Variants in FBF1 observed in about 807,000 individuals in gnomAD.
FBF1 encodes fas-binding factor 1.
Under a neutral mutation model 147.2 loss-of-function variants are expected in FBF1, and 119 were observed. The observed-to-expected ratio is 0.81, with a 90% CI of 0.70 to 0.94. The LOEUF (loss-of-function observed/expected upper bound fraction) is 0.94. FBF1 is among the 40% of genes least tolerant of loss of function. The probability of loss-of-function intolerance (pLI) is 0.00; values close to 1 mark genes in which losing one functional copy is unlikely to be tolerated. For synonymous variants in FBF1, 601 were observed against 609.0 expected, an observed-to-expected ratio of 0.99 and a Z score of 0.19; for missense variants, 1,449 against 1,500.8, an observed-to-expected ratio of 0.97 and a Z score of 0.57.
At position 75,928,848 on chromosome 17, in the gene FBF1, CAG is replaced by C. The variant is rs1353934197; in HGVS notation, c.280-657_280-656del. 1.3e-5 allele frequency among the ~76,000 whole-genome samples: 2 copies of C among 152,070 alleles called. No homozygotes were observed. Among genetic ancestry groups the C allele is most frequent in the Admixed American group, 1.3e-4 (2 of 15,264 alleles). On this transcript the variant is annotated intron_variant, in intron 7 of 29. Coordinates refer to ENST00000636174, the MANE Select transcript of FBF1 (RefSeq NM_001319193.2). The surrounding 1 kb of genome is among the most constrained non-coding windows in gnomAD (Gnocchi z 4.2). ...AATTAAAAATAAAATAAAATAAAGA[CAG>C]AGTCTCACTCTGTCACCCAGGCTGG...
rs760044094 is a variant in FBF1, at chr17:75,920,345, G to C, written c.1759C>G (p.Gln587Glu). 2 of 1,609,580 alleles carry C rather than the reference G, an allele frequency of 1.2e-6. No individual in the cohort carries two copies. Among genetic ancestry groups the C allele is most frequent in the South Asian group, 2.2e-5 (2 of 90,292 alleles). ...GCCTGGAGCTCAGCGGGGCTGCACT[G>C]AAGTTGCACCTGTGCTGCCAGGAGC... Reference protein sequence around the residue: ...KQLLAAQVQLQCSPAELQAEL... With the variant: ...KQLLAAQVQLECSPAELQAEL... Residue 587 changes from glutamine to glutamate, a missense_variant, in exon 18 of 30, where the codon CAG becomes GAG. Coordinates refer to ENST00000636174, the MANE Select transcript of FBF1 (RefSeq NM_001319193.2).
At chr17:75,915,232 C>G in intron 23 of FBF1, 93 bp from the exon 24 acceptor site, 1 of 1,472,530 alleles carries the variant, frequency 6.8e-7, no homozygotes, top group Non-Finnish European at 9.0e-7. Context: ...CCACCAGTGT[C>G]TCCCACACTA....
intron 3 of FBF1, among the ~76,000 whole-genome samples, chr17:75,936,313 CAA>C (rs2065624793): frequency 6.7e-6 from 1 of 149,862 alleles, no homozygotes. Context: ...TACGCCGTCT[CAA>C]AAAACAACAA....
At chr17:75,935,869 G>A (rs953278093) in intron 3 of FBF1, among the ~76,000 whole-genome samples, 196 bp from the exon 4 acceptor site, 6 of 152,120 alleles carry the variant, frequency 3.9e-5, no homozygotes, top group Non-Finnish European at 5.9e-5. Flanking sequence ...AATACCCCGA[G>A]GCAGAAATTT....
At chr17:75,936,724 T>C (rs1263412297) in intron 3 of FBF1, among the ~76,000 whole-genome samples, 1 of 151,828 alleles carries the variant, frequency 6.6e-6, no homozygotes, top group African/African-American at 2.4e-5. Flanking sequence ...ATGGTGCAGA[T>C]TTTCAGCAGA....
intron 28 of FBF1, among the ~76,000 whole-genome samples, chr17:75,912,768 C>T (rs1029295810): frequency 3.3e-5 from 5 of 152,184 alleles, no homozygotes; most frequent in East Asian, 3.9e-4. Context: ...AGGCTGGGCG[C>T]GTTGGCTCAT....
In FBF1 at chr17:75,923,037, A is replaced by G. The variant is rs2065537615; in HGVS notation, c.1424+149T>C. On this transcript the variant is annotated intron_variant, in intron 14 of 29. Transcript: ENST00000636174. This position sits in a 1 kb window ranked among gnomAD's most constrained non-coding sequence, Gnocchi z 4.1. ...CTCTGCAGTGCCTAAAAGGCAGAGT[A>G]GCAAAGCCAAGAAGCGGCCTCTGTG... The G allele has an allele frequency of 3.9e-6, 3 of 773,740 alleles. No individual in the cohort carries two copies. In the South Asian group the frequency reaches 5.6e-5, roughly 15 times the overall value. The allele number at this position is 773,740 out of a possible 1,614,324, so 47.9% of individuals were successfully genotyped here.
chr17:75,923,688 C>A lies in FBF1; in HGVS notation c.969-47G>T. 6.7e-7 allele frequency: 1 copy of A among 1,502,146 alleles called. No homozygotes were observed. Among genetic ancestry groups the A allele is most frequent in the South Asian group, 1.3e-5 (1 of 76,088 alleles). 93.1% of individuals were successfully genotyped at this position (1,502,146 alleles called of 1,614,324 possible). ...GTCAGGCAGGGGAAACAGCCAGTCC[C>A]AGTGGCCCCCTAGCAGCCTGCAGCT... is the stretch of plus-strand genomic sequence containing the variant. On this transcript the variant is annotated intron_variant, in intron 13 of 29. Coordinates refer to ENST00000636174, the MANE Select transcript of FBF1 (RefSeq NM_001319193.2). The surrounding 1 kb of genome is among the most constrained non-coding windows in gnomAD (Gnocchi z 4.1).
In FBF1 at chr17:75,909,906, T is replaced by G. The variant is rs1018099432; in HGVS notation, c.*817A>C. 2 of 701,342 alleles carry G rather than the reference T, an allele frequency of 2.9e-6. No individual in the cohort carries two copies. The highest frequency in any genetic ancestry group is 4.0e-5 in the Admixed American group (2 of 49,996). The allele number at this position is 701,342 out of a possible 1,614,324, so 43.4% of individuals were successfully genotyped here. ...TTGAAGCAGCGGGAGTGGAGGAGGA[T>G]CAGAGAAACCTCTGTAGTTGTGATT... On this transcript the variant is annotated 3_prime_UTR_variant, in exon 30 of 30. Transcript: ENST00000636174.
intron 4 of FBF1, among the ~76,000 whole-genome samples, chr17:75,934,828 G>A (rs964225997): frequency 3.4e-5 from 5 of 148,424 alleles, no homozygotes; most frequent in South Asian, 2.1e-4. Flanking sequence ...GCGGTGAGCC[G>A]AGATTGCGCC....
Position 75,919,773 on chromosome 17 carries a change from T to C in FBF1, c.2033A>G (p.Glu678Gly). The change falls in exon 20 of 30, where the codon GAG (glutamate) becomes GGG (glycine). Residue 678 changes from glutamate to glycine, a missense_variant. By Grantham distance (98) the Glu-to-Gly change is moderately conservative. Transcript: ENST00000636174. The surrounding 1 kb of genome is among the most constrained non-coding windows in gnomAD (Gnocchi z 5.0). ...LSARYLSQCQEAEQARAELTA... is the reference protein window; with the variant it reads ...LSARYLSQCQGAEQARAELTA... Reference sequence around the variant, plus strand: ...AAGCTCAGCACGGGCCTGTTCGGCCTCCTGGCACTGCGACAGATACCGAGC... The same window carrying C: ...AAGCTCAGCACGGGCCTGTTCGGCCCCCTGGCACTGCGACAGATACCGAGC... 6.2e-7 allele frequency: 1 copy of C among 1,613,660 alleles called. No homozygotes were observed. Among genetic ancestry groups the C allele is most frequent in the Non-Finnish European group, 8.5e-7 (1 of 1,179,874 alleles).
rs140321148 is a variant in FBF1 at position 75,922,140 on chromosome 17, C to T, written c.1425-94G>A. 67 of 1,029,534 alleles carry T rather than the reference C, an allele frequency of 6.5e-5. No individual in the cohort carries two copies. The highest frequency in any genetic ancestry group is 8.2e-5 in the Non-Finnish European group (57 of 695,316). The allele number at this position is 1,029,534 out of a possible 1,614,324, so 63.8% of individuals were successfully genotyped here. ...CAGGACGGGCTTCACACGTGAAGCT[C>T]GTGGCCCCCCTTCCTCCTGCTTCCA... On this transcript the variant is annotated intron_variant, in intron 14 of 29. Transcript: ENST00000636174. This position sits in a 1 kb window ranked among gnomAD's most constrained non-coding sequence, Gnocchi z 5.0.
rs2065510322 is a variant in FBF1 at position 75,919,559 on chromosome 17, A to C, written c.2138+109T>G. On this transcript the variant is annotated intron_variant, in intron 20 of 29. Transcript: ENST00000636174. The surrounding 1 kb of genome is among the most constrained non-coding windows in gnomAD (Gnocchi z 5.0). ...TCACTGGACTGGGAGGGAAGGACCC[A>C]ACCCCTGTCCAAAGGCTGCTGAGCC... 2 of 1,272,380 alleles carry C rather than the reference A, an allele frequency of 1.6e-6. No individual in the cohort carries two copies. Among genetic ancestry groups the C allele is most frequent in the East Asian group, 5.1e-5 (2 of 39,470 alleles). 78.8% of individuals were successfully genotyped at this position (1,272,380 alleles called of 1,614,324 possible).
chr17:75,914,210 C>A lies in FBF1; in HGVS notation c.2903G>T (p.Arg968Leu). 1 of 1,594,362 alleles carries A rather than the reference C, an allele frequency of 6.3e-7. No individual in the cohort carries two copies. ...AAERAALEQE[R>L]QELRLEKERI... ...CTCCTTCTCCAGCCGCAGCTCCTGC[C>A]GCTCCTGCTCCAGGGCTGCTCTCTC... Residue 968 changes from arginine to leucine, a missense_variant, in exon 26 of 30, where the codon CGG becomes CTG. By Grantham distance (102) the Arg-to-Leu change is moderately radical. Transcript: ENST00000636174.
Position 75,938,237 on chromosome 17 carries a change from T to C in FBF1, c.-83-5A>G, listed in dbSNP as rs1317795489. On this transcript the variant is annotated splice_polypyrimidine_tract_variant and splice_region_variant and intron_variant, in intron 1 of 29. Transcript: ENST00000636174. The stretch of plus-strand genomic sequence containing the variant: ...CCCACATCAGGCTCATACTCCCTAA[T>C]GAAGAAAATTAAAGTGGTTGCTTAA... 2.5e-6 allele frequency: 4 copies of C among 1,579,420 alleles called. No individual in the cohort carries two copies. In the African/African-American group the frequency reaches 5.4e-5, roughly 21 times the overall value.
intron 4 of FBF1, among the ~76,000 whole-genome samples, chr17:75,933,693 C>T (rs949472509): frequency 6.6e-6 from 1 of 152,124 alleles, no homozygotes; most frequent in Non-Finnish European, 1.5e-5. Flanking sequence ...CCAGAATCTA[C>T]AAGGAACTCT....
In FBF1 at chr17:75,915,038, C is replaced by T; in HGVS notation, c.2607G>A (p.Arg869=). The change falls in exon 24 of 30, where the codon AGG becomes AGA. Residue 869 remains arginine (R), a synonymous_variant. Coordinates refer to ENST00000636174, the MANE Select transcript of FBF1 (RefSeq NM_001319193.2). The part of the protein sequence containing the change: ...KVTAQQMAME[R]AELERAKSAL... Reference sequence around the variant, plus strand: ...TCACCTTGGCCCGTTCCAGCTCCGCCCTTTCCATGGCCATCTGCTGGGCCG... The same window carrying T: ...TCACCTTGGCCCGTTCCAGCTCCGCTCTTTCCATGGCCATCTGCTGGGCCG... 6.2e-7 allele frequency: 1 copy of T among 1,613,600 alleles called. No homozygotes were observed. The highest frequency in any genetic ancestry group is 8.5e-7 in the Non-Finnish European group (1 of 1,179,862).
In FBF1 at chr17:75,918,051, G is replaced by A; in HGVS notation, c.2266C>T (p.His756Tyr). 1 of 1,610,876 alleles carries A rather than the reference G, an allele frequency of 6.2e-7. No homozygotes were observed. Reference protein sequence around the residue: ...SHTRSLNSIIHQMEKFSSSLH... With the variant: ...SHTRSLNSIIYQMEKFSSSLH... ...CTGCTGGAGAACTTCTCCATCTGGT[G>A]GATGATGCTATTCAGGGACCTGGAA... Residue 756 changes from histidine to tyrosine, a missense_variant, in exon 22 of 30, where the codon CAC becomes TAC. By Grantham distance (83) the His-to-Tyr change is moderately conservative. Coordinates refer to ENST00000636174, the MANE Select transcript of FBF1 (RefSeq NM_001319193.2). The surrounding 1 kb of genome is among the most constrained non-coding windows in gnomAD (Gnocchi z 5.8).
intron 6 of FBF1, among the ~76,000 whole-genome samples, chr17:75,930,928 A>C (rs2065590661): frequency 6.6e-6 from 1 of 151,978 alleles, no homozygotes; most frequent in Non-Finnish European, 1.5e-5. Flanking sequence ...CTCAAAACAA[A>C]AACAACAACA....
Sources: allele counts gnomAD v4.1 joint callset (sites outside exome capture counted in the v4.1 genomes callset), GRCh38; gene constraint gnomAD v4.1.1; non-coding constraint Gnocchi (gnomAD v3.1); transcripts MANE v1.5; gene names NCBI Gene and HGNC (gene_info 2026-07-23, HGNC 2026-07-21).